DLGAP1: variants seen among roughly 807,000 people sequenced by gnomAD.
The protein encoded by DLGAP1 is disks large-associated protein 1.
Under a neutral mutation model 90.8 loss-of-function variants are expected in DLGAP1, and 11 were observed. The ratio of observed to expected loss-of-function variants is 0.12; its 90% confidence interval spans 0.08 to 0.20. The LOEUF (loss-of-function observed/expected upper bound fraction) is 0.20. Ranked by LOEUF, DLGAP1 falls within the 10% of genes least tolerant of loss-of-function variation. The pLI, the probability that DLGAP1 is intolerant of heterozygous loss-of-function variation, is 1.00. For synonymous variants in DLGAP1, 558 were observed against 540.7 expected (o/e 1.03, Z -0.44); for missense variants, 1,050 against 1,333.8 (o/e 0.79, Z 3.31).
intron 1 of DLGAP1, among the ~76,000 whole-genome samples, chr18:4,376,515 T>C (rs2082017027): frequency 1.3e-5 from 2 of 152,208 alleles, no homozygotes; most frequent in Non-Finnish European, 2.9e-5. Context: ...GGCATCCTAG[T>C]ACTCCTATTT....
chr18:3,589,029 T>TA (rs1360116690), intron 7 of DLGAP1, among the ~76,000 whole-genome samples: 4 of 149,552 alleles, frequency 2.7e-5, no homozygotes, highest in Admixed American at 6.7e-5. Flanking sequence ...TAAAAATATA[T>TA]AAAAAAAAAT....
chr18:4,281,563 G>T (rs2079553323), intron 1 of DLGAP1, among the ~76,000 whole-genome samples: 1 of 152,100 alleles, frequency 6.6e-6, no homozygotes, highest in African/African-American at 2.4e-5. Context: ...TCAAAAAAAT[G>T]TGGTCCATCT....
At chr18:4,068,392 T>C (rs1312349903) in intron 2 of DLGAP1, among the ~76,000 whole-genome samples, 1 of 151,406 alleles carries the variant, frequency 6.6e-6, no homozygotes, top group Admixed American at 6.6e-5. Flanking sequence ...TTTATGCATA[T>C]TATATATAAT....
intron 9 of DLGAP1, among the ~76,000 whole-genome samples, chr18:3,536,623 C>T (rs544084363): frequency 6.6e-6 from 1 of 152,302 alleles, no homozygotes; most frequent in South Asian, 2.1e-4. Flanking sequence ...GCCTTGGGCG[C>T]AAACATCAGC....
intron 1 of DLGAP1, among the ~76,000 whole-genome samples, chr18:4,298,938 A>C (rs1676475): frequency 6.6e-6 from 1 of 151,714 alleles, no homozygotes. Flanking sequence ...AAAATTAGCC[A>C]AGCGTGGTGG....
intron 2 of DLGAP1, among the ~76,000 whole-genome samples, chr18:4,108,130 A>G (rs1280077011): frequency 6.6e-6 from 1 of 152,170 alleles, no homozygotes; most frequent in Non-Finnish European, 1.5e-5. Flanking sequence ...AATTCCCTTC[A>G]TACCTTCTTC....
chr18:3,574,799 AT>A (rs2055012116), intron 8 of DLGAP1, among the ~76,000 whole-genome samples: 1 of 112,420 alleles, frequency 8.9e-6, no homozygotes, highest in African/African-American at 2.9e-5. Context: ...ATTTTATTTT[AT>A]TTTATTTTAT....
intron 1 of DLGAP1, among the ~76,000 whole-genome samples, chr18:4,267,068 CCTGA>C (rs1053637539): frequency 1.3e-5 from 2 of 152,230 alleles, no homozygotes; most frequent in East Asian, 3.9e-4. Flanking sequence ...TTTTCTTCTG[CCTGA>C]CTTTTTATTA....
chr18:3,681,463 A>G (rs1332711991), intron 7 of DLGAP1, among the ~76,000 whole-genome samples: 1 of 152,210 alleles, frequency 6.6e-6, no homozygotes, highest in African/African-American at 2.4e-5. Context: ...TTTGATCTCT[A>G]GTTACCTTAT....
intron 1 of DLGAP1, among the ~76,000 whole-genome samples, chr18:4,356,488 C>G (rs935155086): frequency 1.3e-5 from 2 of 152,164 alleles, no homozygotes; most frequent in Non-Finnish European, 2.9e-5. Context: ...TTTTATATTT[C>G]TAGCAACACA....
chr18:4,447,713 AGAAAG>A, intron 1 of DLGAP1, among the ~76,000 whole-genome samples: 1 of 152,356 alleles, frequency 6.6e-6, no homozygotes, highest in Non-Finnish European at 1.5e-5. Flanking sequence ...AGAGTAAAAG[AGAAAG>A]GAAAGAGTCA....
At position 4,342,756 on chromosome 18, in the gene DLGAP1, A is replaced by G. The variant is rs1464948976; in HGVS notation, c.-267+112250T>C. Among the ~76,000 whole-genome samples, 3 of 152,324 alleles carry G rather than the reference A, an allele frequency of 2.0e-5. No homozygotes were observed. The East Asian group carries it at 5.8e-4, about 29-fold the overall frequency. On this transcript the variant is annotated intron_variant, in intron 1 of 12. Transcript: ENST00000315677. The surrounding 1 kb of genome is among the most constrained non-coding windows in gnomAD (Gnocchi z 5.8). ...TTGCTTACACAATTAAGTTATTTTAAAAGACACTGGAAATAAACCCCCCAA... is the reference window on the plus strand; with the variant it reads ...TTGCTTACACAATTAAGTTATTTTAGAAGACACTGGAAATAAACCCCCCAA...
chr18:4,388,674 G>A (rs907433425), intron 1 of DLGAP1, among the ~76,000 whole-genome samples: 4 of 151,984 alleles, frequency 2.6e-5, no homozygotes, highest in Non-Finnish European at 5.9e-5. Flanking sequence ...CTTCATATTA[G>A]GAAGGAAAAA....
chr18:3,607,613 A>G (rs936759479), intron 7 of DLGAP1: 3 of 152,230 alleles, frequency 2.0e-5, no homozygotes, highest in Non-Finnish European at 1.5e-5. Context: ...CTCCTTTACA[A>G]CTGGGCTGCA....
intron 1 of DLGAP1, among the ~76,000 whole-genome samples, chr18:4,244,158 T>C (rs1195929188): frequency 6.6e-6 from 1 of 152,180 alleles, no homozygotes; most frequent in Non-Finnish European, 1.5e-5. Flanking sequence ...TAATTTGAAA[T>C]ATATTTTCCT....
chr18:3,868,274 T>C (rs2148781257), intron 4 of DLGAP1, among the ~76,000 whole-genome samples: 1 of 152,242 alleles, frequency 6.6e-6, no homozygotes, highest in African/African-American at 2.4e-5. Context: ...TGCAAACAAA[T>C]GAACTGACAC....
intron 2 of DLGAP1, among the ~76,000 whole-genome samples, chr18:4,091,351 ATTTC>A (rs1249881236): frequency 3.3e-5 from 5 of 151,710 alleles, no homozygotes; most frequent in Admixed American, 6.6e-5. Context: ...AGGTGTGTGG[ATTTC>A]TTTTTCTATT....
chr18:3,937,104 C>T (rs975188883), intron 3 of DLGAP1, among the ~76,000 whole-genome samples: 5 of 152,286 alleles, frequency 3.3e-5, no homozygotes, highest in East Asian at 3.9e-4. Flanking sequence ...AAATAATGTA[C>T]GCAGGAAGGG....
At chr18:3,740,195 T>A (rs984199178) in intron 6 of DLGAP1, among the ~76,000 whole-genome samples, 1 of 152,204 alleles carries the variant, frequency 6.6e-6, no homozygotes, top group Middle Eastern at 3.2e-3. Context: ...GTAGACCATT[T>A]TATAATTCTC....
Sources: allele counts gnomAD v4.1 joint callset (sites outside exome capture counted in the v4.1 genomes callset), GRCh38; gene constraint gnomAD v4.1.1; non-coding constraint Gnocchi (gnomAD v3.1); transcripts MANE v1.5; gene names NCBI Gene and HGNC (gene_info 2026-07-23, HGNC 2026-07-21).